GTPBP4: variants seen among roughly 807,000 people sequenced by gnomAD.
GTPBP4 encodes the protein GTP-binding protein 4.
A neutral mutation model predicts 81.7 loss-of-function variants in GTPBP4; 15 were observed. That is an observed-to-expected ratio of 0.18 (90% confidence interval 0.12 to 0.28). The LOEUF (loss-of-function observed/expected upper bound fraction) is 0.28, where lower values mean the gene tolerates loss of function less well. Among genes scored for constraint, GTPBP4 ranks in the 10% least tolerant of loss-of-function variants. GTPBP4 has a pLI of 1.00. For synonymous variants in GTPBP4, 272 were observed against 274.6 expected (o/e 0.99, Z 0.09); for missense variants, 847 against 793.8 (o/e 1.07, Z -0.81).
At chr10:988,620 C>A in intron 1 of GTPBP4, 93 bp downstream of exon 1, 2 of 945,332 alleles carry the variant, frequency 2.1e-6, no homozygotes, top group South Asian at 1.3e-5. Context: ...GGAGAGCGGT[C>A]GCCTTCCGCT....
intron 10 of GTPBP4, chr10:1,008,466 GT>G: frequency 3.1e-6 from 1 of 317,610 alleles, no homozygotes; most frequent in South Asian, 2.7e-5. Flanking sequence ...AGTCTTCACC[GT>G]GTCTTGAGTT....
intron 1 of GTPBP4, among the ~76,000 whole-genome samples, chr10:990,193 C>A (rs1230721530): frequency 6.6e-6 from 1 of 152,010 alleles, no homozygotes; most frequent in East Asian, 1.9e-4. Flanking sequence ...ATACACCATC[C>A]GTCTTCTGTT....
intron 8 of GTPBP4, among the ~76,000 whole-genome samples, chr10:1,004,840 A>C (rs1277659977): frequency 6.6e-6 from 1 of 152,050 alleles, no homozygotes; most frequent in African/African-American, 2.4e-5. Flanking sequence ...GATGAAGGGG[A>C]GCTGTGGCCA....
intron 8 of GTPBP4, among the ~76,000 whole-genome samples, chr10:1,001,394 C>CG (rs1462036202): frequency 6.6e-6 from 1 of 152,186 alleles, no homozygotes; most frequent in Non-Finnish European, 1.5e-5. Context: ...GAAGGAGGAT[C>CG]TTGGAATTTG....
At chr10:1,011,467 G>A (rs4880753) in intron 13 of GTPBP4, among the ~76,000 whole-genome samples, 13 of 135,324 alleles carry the variant, frequency 9.6e-5, no homozygotes, top group African/African-American at 3.3e-4. Flanking sequence ...CCTGCCTTCT[G>A]CTCTCAGCTG....
At chr10:998,136 G>T (rs1831565236) in intron 5 of GTPBP4, among the ~76,000 whole-genome samples, 2 of 152,024 alleles carry the variant, frequency 1.3e-5, no homozygotes, top group South Asian at 4.2e-4. Flanking sequence ...GTCTCGCTCT[G>T]TTGCCCAGGC....
intron 10 of GTPBP4, chr10:1,008,087 AG>A: frequency 2.2e-6 from 1 of 456,116 alleles, no homozygotes; most frequent in Non-Finnish European, 4.4e-6. Context: ...GTACATAGAA[AG>A]GCTTACCATT....
At chr10:1,010,318 T>C in intron 12 of GTPBP4, 102 bp from the exon 13 acceptor site, 2 of 683,264 alleles carry the variant, frequency 2.9e-6, no homozygotes, top group Non-Finnish European at 2.7e-6. Context: ...TCTTCTGCAG[T>C]GGAGTCGTTG....
At chr10:992,685 G>T (rs758317314) in intron 2 of GTPBP4, 26 bp downstream of exon 2, 6 of 1,472,244 alleles carry the variant, frequency 4.1e-6, no homozygotes, top group Non-Finnish European at 5.7e-6. Context: ...GACTTCTGTG[G>T]TTATGTAAAT....
chr10:1,000,595 G>A (rs1435689832), intron 6 of GTPBP4, 82 bp from the exon 7 acceptor site: 4 of 662,116 alleles, frequency 6.0e-6, no homozygotes, highest in Non-Finnish European at 2.4e-6. Context: ...CTGGTTGGGT[G>A]TGTGTGAGTG....
intron 8 of GTPBP4, among the ~76,000 whole-genome samples, chr10:1,003,124 C>T (rs992504656): frequency 1.4e-5 from 2 of 147,846 alleles, no homozygotes; most frequent in Non-Finnish European, 3.0e-5. Context: ...CTTTTTTTCT[C>T]TCTGACTAGG....
rs145919880 is a variant in GTPBP4, at chr10:995,780, A to G, written c.220-149A>G. The G allele has an allele frequency of 9.4e-3, 5,587 of 595,736 alleles. 66 individuals carry two copies. The highest frequency in any genetic ancestry group is 0.028 in the Middle Eastern group (63 of 2,262). The allele number at this position is 595,736 out of a possible 1,614,324, so 36.9% of individuals were successfully genotyped here. A position where few individuals can be genotyped will look rare whatever the true frequency, so the allele number is the denominator to read the frequency against. The stretch of plus-strand genomic sequence containing the variant: ...CTTCTGATGCCTGTTTTCTCAGAGG[A>G]CTAAATAGACAGGGCCCCTGGCCAG... On this transcript the variant is annotated intron_variant, in intron 2 of 16. Transcript: ENST00000360803.
rs144664436 is a variant in GTPBP4 at position 988,517 on chromosome 10, C to A, written c.38C>A (p.Pro13Gln). Residue 13 changes from proline (P) to glutamine (Q), a missense_variant, in exon 1 of 17, where the codon CCG (proline) becomes CAG (glutamine). Pro to Gln is a moderately conservative substitution (Grantham distance 76). This residue lies in a region of GTPBP4 where 241 missense variants were observed against 216.3 expected (regional missense o/e 1.11). Transcript: ENST00000360803. ...HYNFKKITVV[P>Q]SAKDFIDLTL... is the part of the protein sequence containing the mutation. Reference sequence around the variant, plus strand: ...AACTTCAAGAAAATTACGGTGGTGCCGTCCGCCAAGGTAGGCGGCCCCGGG... The same window carrying A: ...AACTTCAAGAAAATTACGGTGGTGCAGTCCGCCAAGGTAGGCGGCCCCGGG... The A allele has an allele frequency of 1.7e-5, 27 of 1,612,482 alleles. No individual in the cohort carries two copies. Among genetic ancestry groups the A allele is most frequent in the African/African-American group, 2.7e-5 (2 of 74,926 alleles).
rs543766426 is a variant in GTPBP4, at chr10:989,557, C to T, written c.48+1030C>T. Among the ~76,000 whole-genome samples, 10 of 152,312 alleles carry T rather than the reference C, an allele frequency of 6.6e-5. No individual in the cohort carries two copies. The South Asian group carries it at 1.9e-3, about 28-fold the overall frequency. ...AGTTACTGAAGTCCCTGCAGAGTGA[C>T]TGTTTTCCCCTCGTCAGTGCCTCCT... On this transcript the variant is annotated intron_variant, in intron 1 of 16. Transcript: ENST00000360803.
intron 1 of GTPBP4, among the ~76,000 whole-genome samples, chr10:991,260 C>G (rs1348518249): frequency 2.0e-5 from 3 of 152,208 alleles, no homozygotes; most frequent in African/African-American, 4.8e-5. Context: ...CCTCAGCACC[C>G]AAGTATCCCT....
chr10:1,014,654 A>G (rs1286424435), intron 15 of GTPBP4, among the ~76,000 whole-genome samples: 1 of 151,994 alleles, frequency 6.6e-6, no homozygotes, highest in East Asian at 1.9e-4. Flanking sequence ...GTGAGACTCC[A>G]TCTCAAAAAA....
At chr10:1,001,150 T>C (rs1831623847) in intron 8 of GTPBP4, 137 bp downstream of exon 8, 2 of 640,046 alleles carry the variant, frequency 3.1e-6, no homozygotes, top group African/African-American at 3.7e-5. Context: ...ATATCCTCAG[T>C]GGTTTAGTGA....
At chr10:1,004,738 G>T (rs1471195148) in intron 8 of GTPBP4, among the ~76,000 whole-genome samples, 9 of 152,292 alleles carry the variant, frequency 5.9e-5, no homozygotes, top group African/African-American at 1.9e-4. Flanking sequence ...CCTCCACCAA[G>T]CCCTGCTGGG....
intron 2 of GTPBP4, among the ~76,000 whole-genome samples, chr10:993,913 C>A (rs754230714): frequency 6.6e-6 from 1 of 151,992 alleles, no homozygotes; most frequent in African/African-American, 2.4e-5. Flanking sequence ...GTGCCCGCCA[C>A]CACGCCCGGC....
Sources: gnomAD v4.1 joint callset for allele counts (sites outside exome capture counted in the v4.1 genomes callset) on GRCh38, gnomAD v4.1.1 for gene constraint, gnomAD v4.1.1 regional missense constraint, MANE v1.5 for transcripts, NCBI Gene and HGNC (gene_info 2026-07-23, HGNC 2026-07-21) for gene names.